Variants in GTF2A1L observed in about 807,000 individuals in gnomAD.
GTF2A1L encodes the protein TFIIA-alpha and beta-like factor.
Under a neutral mutation model 49.7 loss-of-function variants are expected in GTF2A1L, and 48 were observed. The ratio of observed to expected loss-of-function variants is 0.97; its 90% CI spans 0.77 to 1.23. The LOEUF (loss-of-function observed/expected upper bound fraction) is 1.23, where lower values mean the gene tolerates loss of function less well. Ranked by LOEUF, GTF2A1L falls within the 50% of genes most tolerant of loss-of-function variation. The pLI is 0.00. For missense variants in GTF2A1L, 736 were observed against 564.8 expected, an observed-to-expected ratio of 1.30 and a Z score of -3.07; for synonymous variants, 246 against 193.5, an observed-to-expected ratio of 1.27 and a Z score of -2.25.
chr2:48,658,765 GT>G (rs1678320459), intron 6 of GTF2A1L, among the ~76,000 whole-genome samples: 1 of 152,070 alleles, frequency 6.6e-6, no homozygotes, highest in Admixed American at 6.6e-5. Flanking sequence ...AGATTTTCTA[GT>G]TTGTGTGCAT....
intron 3 of GTF2A1L, 112 bp downstream of exon 3, chr2:48,621,402 C>T (rs1675993896): frequency 3.5e-6 from 5 of 1,413,796 alleles, no homozygotes; most frequent in Non-Finnish European, 4.8e-6. Context: ...GGCTTGGACA[C>T]CTAAATCATT....
At chr2:48,670,715 T>C (rs1380445851) in intron 7 of GTF2A1L, among the ~76,000 whole-genome samples, 1 of 152,226 alleles carries the variant, frequency 6.6e-6, no homozygotes, top group African/African-American at 2.4e-5. Context: ...CAAAGTCCTG[T>C]GGTTCTTACT....
At chr2:48,648,798 G>A (rs1677681959) in intron 6 of GTF2A1L, among the ~76,000 whole-genome samples, 1 of 151,850 alleles carries the variant, frequency 6.6e-6, no homozygotes, top group Non-Finnish European at 1.5e-5. Context: ...TTTTAAAAAA[G>A]GTCTATGTCT....
At chr2:48,670,120 C>T (rs373671107) in intron 7 of GTF2A1L, 138 bp downstream of exon 7, 37 of 1,284,374 alleles carry the variant, frequency 2.9e-5, no homozygotes, top group Middle Eastern at 2.8e-4. Flanking sequence ...GGGCCGGGCA[C>T]GGTGGCTCAC....
chr2:48,635,912 G>A (rs1676862361), intron 3 of GTF2A1L, among the ~76,000 whole-genome samples: 1 of 151,310 alleles, frequency 6.6e-6, no homozygotes, highest in Non-Finnish European at 1.5e-5. Context: ...GGATTGGGAG[G>A]AAAAAAAAAG....
chr2:48,675,138 A>G (rs541463939), intron 8 of GTF2A1L, among the ~76,000 whole-genome samples: 1 of 152,196 alleles, frequency 6.6e-6, no homozygotes, highest in South Asian at 2.1e-4. Context: ...AAGAACTTTC[A>G]GTAGTCTCTT....
intron 6 of GTF2A1L, 38 bp from the exon 7 acceptor site, chr2:48,669,684 T>A (rs1474736281): frequency 6.4e-7 from 1 of 1,573,258 alleles, no homozygotes; most frequent in African/African-American, 1.4e-5. Flanking sequence ...ATATACCTTA[T>A]TTGACTTGAA....
At chr2:48,636,635 T>G (rs1273331374) in intron 3 of GTF2A1L, among the ~76,000 whole-genome samples, 11 of 152,254 alleles carry the variant, frequency 7.2e-5, no homozygotes, top group Non-Finnish European at 1.6e-4. Flanking sequence ...GAAAATAGTT[T>G]TGACCTTATA....
At chr2:48,674,173 A>G (rs138693760) in intron 8 of GTF2A1L, among the ~76,000 whole-genome samples, 3 of 152,318 alleles carry the variant, frequency 2.0e-5, no homozygotes, top group South Asian at 4.1e-4. Context: ...TTAAGGAACT[A>G]TTAGACTATT....
At chr2:48,625,645 C>A (rs979478684) in intron 3 of GTF2A1L, among the ~76,000 whole-genome samples, 1 of 142,714 alleles carries the variant, frequency 7.0e-6, no homozygotes, top group Non-Finnish European at 1.6e-5. Flanking sequence ...TACAGTGGAG[C>A]AATCATAGGT....
chr2:48,673,594 C>T (rs1045209540), intron 8 of GTF2A1L, among the ~76,000 whole-genome samples: 38 of 152,020 alleles, frequency 2.5e-4, no homozygotes, highest in African/African-American at 8.2e-4. Context: ...GATCTGACTT[C>T]GTGATCTACC....
At chr2:48,666,216 T>C (rs1039078089) in intron 6 of GTF2A1L, among the ~76,000 whole-genome samples, 3 of 151,906 alleles carry the variant, frequency 2.0e-5, no homozygotes, top group African/African-American at 7.2e-5. Flanking sequence ...TCTTTCTTTT[T>C]TTTTTTTGAG....
intron 8 of GTF2A1L, among the ~76,000 whole-genome samples, chr2:48,673,607 C>T (rs1417863333): frequency 1.3e-5 from 2 of 152,054 alleles, no homozygotes; most frequent in South Asian, 2.1e-4. Context: ...GATCTACCCA[C>T]CTGGGAAGTG....
At chr2:48,630,327 T>C (rs1483429196) in intron 3 of GTF2A1L, among the ~76,000 whole-genome samples, 1 of 144,066 alleles carries the variant, frequency 6.9e-6, no homozygotes, top group Admixed American at 7.1e-5. Flanking sequence ...TGTAGAGATC[T>C]TTCCCTTCCT....
intron 6 of GTF2A1L, among the ~76,000 whole-genome samples, chr2:48,651,845 TC>T (rs1677867370): frequency 6.6e-6 from 1 of 152,170 alleles, no homozygotes; most frequent in Non-Finnish European, 1.5e-5. Flanking sequence ...AAAAGCCCCC[TC>T]ATAACAATTT....
chr2:48,636,570 C>G (rs891217522), intron 3 of GTF2A1L, among the ~76,000 whole-genome samples: 13 of 152,036 alleles, frequency 8.6e-5, no homozygotes, highest in Non-Finnish European at 1.5e-5. Context: ...CAAATGTCAA[C>G]AAAACCAAAT....
Position 48,621,149 on chromosome 2 carries a change from T to C in GTF2A1L, c.124-18T>C. On this transcript the variant is annotated intron_variant, in intron 2 of 8. Coordinates refer to ENST00000403751, the MANE Select transcript of GTF2A1L (RefSeq NM_006872.5). ...GTATATATTTTTTTAAAGTAAACTT[T>C]TTTTTTCCCCTCTGCAGCTCTGGGA... 6.3e-7 allele frequency: 1 copy of C among 1,594,706 alleles called. No individual in the cohort carries two copies. Among genetic ancestry groups the C allele is most frequent in the Non-Finnish European group, 8.5e-7 (1 of 1,175,166 alleles).
intron 6 of GTF2A1L, among the ~76,000 whole-genome samples, chr2:48,665,223 G>C (rs1388601046): frequency 6.6e-6 from 1 of 151,446 alleles, no homozygotes; most frequent in Admixed American, 6.6e-5. Flanking sequence ...TGCCTGGCCA[G>C]GTTTTTCAAT....
chr2:48,630,272 TTG>T (rs1174151235), intron 3 of GTF2A1L, among the ~76,000 whole-genome samples: 1 of 144,158 alleles, frequency 6.9e-6, no homozygotes, highest in East Asian at 1.9e-4. Flanking sequence ...CTCCATTTGT[TTG>T]TGTCATCTAT....
Sources: gnomAD v4.1 joint callset for allele counts (sites outside exome capture counted in the v4.1 genomes callset) on GRCh38, gnomAD v4.1.1 for gene constraint, MANE v1.5 for transcripts, NCBI Gene and HGNC (gene_info 2026-07-23, HGNC 2026-07-21) for gene names.